The following ELMO1 variants were observed in gnomAD, a reference collection of about 807,000 sequenced individuals.
ELMO1 encodes the protein engulfment and cell motility protein 1.
ELMO1 carries 26 observed loss-of-function variants against 98.9 expected under a neutral mutation model. The ratio of observed to expected loss-of-function variants is 0.26; its 90% CI spans 0.19 to 0.36. ELMO1 has a LOEUF of 0.36. Ranked by LOEUF, ELMO1 falls within the 10% of genes least tolerant of loss-of-function variation. The probability of loss-of-function intolerance (pLI) is 1.00; values close to 1 mark genes in which losing one functional copy is unlikely to be tolerated. For synonymous variants in ELMO1, 346 were observed against 346.0 expected (o/e 1.00, Z 0.00); for missense variants, 627 against 935.2 (o/e 0.67, Z 4.30).
chr7:37,439,533 A>T (rs1243140600), intron 1 of ELMO1, among the ~76,000 whole-genome samples: 1 of 152,246 alleles, frequency 6.6e-6, no homozygotes, highest in Non-Finnish European at 1.5e-5. Context: ...TACAGCATAC[A>T]AATTACAAGC....
intron 13 of ELMO1, among the ~76,000 whole-genome samples, chr7:37,155,587 A>G (rs549167742): frequency 1.3e-5 from 2 of 152,268 alleles, no homozygotes; most frequent in East Asian, 1.9e-4. Flanking sequence ...ATGCCATTAC[A>G]TAATGGTAAA....
chr7:36,908,229 G>A (rs1784099202), intron 16 of ELMO1, among the ~76,000 whole-genome samples: 1 of 152,214 alleles, frequency 6.6e-6, no homozygotes, highest in African/African-American at 2.4e-5. Context: ...GAAGGAGCTT[G>A]TTGAATGTTT....
At chr7:37,334,601 G>A (rs1436038693) in intron 2 of ELMO1, among the ~76,000 whole-genome samples, 2 of 152,182 alleles carry the variant, frequency 1.3e-5, no homozygotes. Flanking sequence ...GAAGGCTGTA[G>A]TAAGGTGATG....
At chr7:37,190,558 C>T (rs1387043166) in intron 13 of ELMO1, among the ~76,000 whole-genome samples, 1 of 152,100 alleles carries the variant, frequency 6.6e-6, no homozygotes, top group Non-Finnish European at 1.5e-5. Flanking sequence ...AGTGCCATAG[C>T]GTGATCTTGG....
chr7:36,955,889 T>A (rs1008002857), intron 16 of ELMO1, among the ~76,000 whole-genome samples: 36 of 152,190 alleles, frequency 2.4e-4, no homozygotes, highest in African/African-American at 8.4e-4. Flanking sequence ...GGATCCCAGC[T>A]CCCTACTCAC....
At chr7:37,359,319 T>C (rs893621284) in intron 1 of ELMO1, among the ~76,000 whole-genome samples, 1 of 152,246 alleles carries the variant, frequency 6.6e-6, no homozygotes, top group Non-Finnish European at 1.5e-5. Flanking sequence ...TCTGACTGTC[T>C]GTATTCTAAT....
chr7:37,088,432 G>T (rs946262667), intron 15 of ELMO1, among the ~76,000 whole-genome samples: 17 of 152,154 alleles, frequency 1.1e-4, no homozygotes, highest in African/African-American at 4.1e-4. Flanking sequence ...ATGCATCTTG[G>T]TATCTCTAAG....
At chr7:37,355,590 C>T (rs916961794) in intron 1 of ELMO1, among the ~76,000 whole-genome samples, 15 of 152,182 alleles carry the variant, frequency 9.9e-5, no homozygotes, top group Non-Finnish European at 8.8e-5. Flanking sequence ...TGACAGAAAT[C>T]GGAGGGGGGA....
chr7:37,121,971 A>G (rs536704468), intron 14 of ELMO1, among the ~76,000 whole-genome samples: 5,716 of 152,244 alleles, frequency 0.038, 300 homozygotes, highest in African/African-American at 0.12. Context: ...AGAGAGTGGG[A>G]GCCAATATTC....
At chr7:37,376,682 C>T (rs1273664306) in intron 1 of ELMO1, among the ~76,000 whole-genome samples, 2 of 152,124 alleles carry the variant, frequency 1.3e-5, no homozygotes, top group Admixed American at 6.5e-5. Context: ...AGCCTCTTGA[C>T]CACCAAATTG....
intron 1 of ELMO1, among the ~76,000 whole-genome samples, chr7:37,379,740 A>C (rs1802508879): frequency 6.6e-6 from 1 of 152,110 alleles, no homozygotes; most frequent in African/African-American, 2.4e-5. Context: ...TAAACTTCTA[A>C]ACAATAGGAG....
chr7:36,978,137 A>T (rs1223367602), intron 16 of ELMO1, among the ~76,000 whole-genome samples: 1 of 152,194 alleles, frequency 6.6e-6, no homozygotes, highest in African/African-American at 2.4e-5. Context: ...AACAGTGGAT[A>T]TTAGCAAGTC....
At chr7:37,125,875 T>C (rs1786473701) in intron 14 of ELMO1, among the ~76,000 whole-genome samples, 2 of 152,066 alleles carry the variant, frequency 1.3e-5, no homozygotes, top group Admixed American at 6.5e-5. Flanking sequence ...CTATTCACAA[T>C]AGGAAAGACT....
intron 15 of ELMO1, among the ~76,000 whole-genome samples, chr7:37,028,685 C>A (rs773223748): frequency 6.6e-6 from 1 of 152,120 alleles, no homozygotes; most frequent in South Asian, 2.1e-4. Context: ...TGGGCTCAAG[C>A]GACCGTCCCG....
chr7:37,069,315 G>A (rs1357728273), intron 15 of ELMO1, among the ~76,000 whole-genome samples: 2 of 152,112 alleles, frequency 1.3e-5, no homozygotes, highest in African/African-American at 2.4e-5. Flanking sequence ...AGATCTAAGC[G>A]ATCTATTTAG....
At chr7:37,193,061 C>T (rs1791735775) in intron 13 of ELMO1, among the ~76,000 whole-genome samples, 1 of 146,194 alleles carries the variant, frequency 6.8e-6, no homozygotes, top group African/African-American at 2.5e-5. Flanking sequence ...AATCAAAATA[C>T]AAAACAAAAC....
intron 15 of ELMO1, among the ~76,000 whole-genome samples, chr7:37,080,764 C>T (rs1797829520): frequency 6.6e-6 from 1 of 151,760 alleles, no homozygotes; most frequent in Non-Finnish European, 1.5e-5. Context: ...CTCTAGCCTA[C>T]TCTTATACTA....
chr7:37,151,025 C>T (rs1015278993), intron 13 of ELMO1, among the ~76,000 whole-genome samples: 5 of 152,234 alleles, frequency 3.3e-5, no homozygotes, highest in African/African-American at 9.6e-5. Context: ...CAGAAAGGCT[C>T]ATGCCCACCT....
intron 18 of ELMO1, among the ~76,000 whole-genome samples, chr7:36,885,476 C>T (rs1804893474): frequency 1.3e-5 from 2 of 152,156 alleles, no homozygotes; most frequent in African/African-American, 4.8e-5. Flanking sequence ...GTGCTAGGAG[C>T]TAGGTTGTGA....
Sources: gnomAD v4.1 joint callset for allele counts (sites outside exome capture counted in the v4.1 genomes callset) on GRCh38, gnomAD v4.1.1 for gene constraint, MANE v1.5 for transcripts, NCBI Gene and HGNC (gene_info 2026-07-23, HGNC 2026-07-21) for gene names.